The following ANAPC5 variants were observed in gnomAD, a reference collection of about 807,000 sequenced individuals.
ANAPC5 encodes anaphase promoting complex subunit 5, also known as anaphase-promoting complex subunit 5.
In ANAPC5, 60 loss-of-function variants were observed where a neutral mutation model predicts 91.3. That is an observed-to-expected ratio of 0.66 (90% CI 0.53 to 0.81). The LOEUF is 0.81. ANAPC5 is among the 40% of genes least tolerant of loss of function. The probability of loss-of-function intolerance (pLI) is 0.00; values close to 1 mark genes in which losing one functional copy is unlikely to be tolerated. For missense variants in ANAPC5, 690 were observed against 931.5 expected (o/e 0.74, Z 3.37); for synonymous variants, 340 against 364.1 (o/e 0.93, Z 0.75).
chr12:121,319,291 G>C (rs1902505531), intron 13 of ANAPC5, among the ~76,000 whole-genome samples: 2 of 150,888 alleles, frequency 1.3e-5, no homozygotes, highest in Admixed American at 1.3e-4. Context: ...TGGAGGCAAT[G>C]GTGCGATCTT....
At chr12:121,311,044 G>A (rs1471348383) in intron 15 of ANAPC5, among the ~76,000 whole-genome samples, 1 of 148,814 alleles carries the variant, frequency 6.7e-6, no homozygotes, top group African/African-American at 2.5e-5. Flanking sequence ...TTTTTTTAAA[G>A]TATCCACTGT....
At position 121,341,157 on chromosome 12, in the gene ANAPC5, C is replaced by T. The variant is rs557016359; in HGVS notation, c.657+846G>A. 5.1e-4 allele frequency among the ~76,000 whole-genome samples: 76 copies of T among 150,072 alleles called. No individual in the cohort carries two copies. The East Asian group carries it at 5.6e-3, about 11-fold the overall frequency. ...CAGCCTCAGTGACAGAGTGAGACTC[C>T]GTCTCAAAAAAAAGAAACAAAAAAG... On this transcript the variant is annotated intron_variant, in intron 5 of 16. Transcript: ENST00000261819.
intron 5 of ANAPC5, among the ~76,000 whole-genome samples, chr12:121,340,001 G>A (rs1379604127): frequency 6.7e-6 from 1 of 148,802 alleles, no homozygotes; most frequent in East Asian, 2.0e-4. Flanking sequence ...CTCAGCCTCT[G>A]AAGTATTCCA....
intron 1 of ANAPC5, chr12:121,351,023 C>A: frequency 7.0e-6 from 3 of 431,180 alleles, no homozygotes; most frequent in East Asian, 7.6e-5. Flanking sequence ...AAACTGAGAC[C>A]CAAATGAATT....
At chr12:121,326,989 G>T in intron 11 of ANAPC5, 107 bp downstream of exon 11, 1 of 1,398,744 alleles carries the variant, frequency 7.1e-7, no homozygotes, top group Non-Finnish European at 9.4e-7. Context: ...CCACAGTGTC[G>T]AGCAGAACTG....
intron 11 of ANAPC5, among the ~76,000 whole-genome samples, chr12:121,325,506 T>TA (rs112149286): frequency 0.6 from 36,978 of 61,872 alleles, 7,665 homozygotes; most frequent in African/African-American, 0.66. Flanking sequence ...AATTAAAAAT[T>TA]AAAAAAAAAA....
chr12:121,321,343 C>CTTTTT (rs71079053), intron 11 of ANAPC5, among the ~76,000 whole-genome samples: 17 of 100,664 alleles, frequency 1.7e-4, no homozygotes, highest in South Asian at 3.8e-4. Flanking sequence ...AAACAAATTA[C>CTTTTT]TTTTTTTTTT....
At chr12:121,321,506 CA>C (rs1197626551) in intron 11 of ANAPC5, among the ~76,000 whole-genome samples, 12 of 149,952 alleles carry the variant, frequency 8.0e-5, no homozygotes, top group African/African-American at 3.0e-4. Flanking sequence ...AGGTGCATGC[CA>C]CCACACACCT....
chr12:121,337,792 C>A (rs548474007), intron 5 of ANAPC5, among the ~76,000 whole-genome samples: 7 of 152,032 alleles, frequency 4.6e-5, no homozygotes, highest in Non-Finnish European at 8.8e-5. Context: ...ACTTACCCCC[C>A]CTGTGGCACT....
intron 15 of ANAPC5, among the ~76,000 whole-genome samples, chr12:121,311,255 G>A (rs1299522428): frequency 6.6e-6 from 1 of 151,962 alleles, no homozygotes; most frequent in Non-Finnish European, 1.5e-5. Flanking sequence ...GTGAGACCCT[G>A]TCTCTAAAAA....
intron 15 of ANAPC5, among the ~76,000 whole-genome samples, chr12:121,312,333 G>A (rs1223605226): frequency 6.6e-6 from 1 of 152,122 alleles, no homozygotes; most frequent in Non-Finnish European, 1.5e-5. Flanking sequence ...TGAGGCTGAG[G>A]CGGGTGGATC....
intron 15 of ANAPC5, among the ~76,000 whole-genome samples, chr12:121,312,349 A>C (rs1902195511): frequency 6.6e-6 from 1 of 152,008 alleles, no homozygotes; most frequent in Non-Finnish European, 1.5e-5. Flanking sequence ...GGATCACCTG[A>C]GGGCAGGAGT....
intron 5 of ANAPC5, among the ~76,000 whole-genome samples, chr12:121,339,619 T>C (rs71454690): frequency 0.049 from 7,455 of 152,074 alleles, 193 homozygotes; most frequent in South Asian, 0.083. Context: ...GACAGGCACA[T>C]GCCACCACAT....
At chr12:121,320,260 T>A (rs2136768064) in intron 12 of ANAPC5, 125 bp downstream of exon 12, 1 of 828,512 alleles carries the variant, frequency 1.2e-6, no homozygotes, top group African/African-American at 1.7e-5. Flanking sequence ...CTTGTAAGCA[T>A]CCTTTGACAA....
In ANAPC5 at chr12:121,342,144, G is replaced by T; in HGVS notation, c.591-75C>A. 8.9e-7 allele frequency: 1 copy of T among 1,127,712 alleles called. No individual in the cohort carries two copies. Among genetic ancestry groups the T allele is most frequent in the Non-Finnish European group, 1.3e-6 (1 of 787,526 alleles). The allele number at this position is 1,127,712 out of a possible 1,614,324, so 69.9% of individuals were successfully genotyped here. On this transcript the variant is annotated intron_variant, in intron 4 of 16. Coordinates refer to ENST00000261819, the MANE Select transcript of ANAPC5 (RefSeq NM_016237.5). This position sits in a 1 kb window ranked among gnomAD's most constrained non-coding sequence, Gnocchi z 4.1. The stretch of plus-strand genomic sequence containing the variant: ...AATGATAACATTTATAAAATCAGAT[G>T]GATTCTTGTATCGAAAGAGTTCAAA...
intron 15 of ANAPC5, among the ~76,000 whole-genome samples, chr12:121,316,942 T>C (rs914409433): frequency 7.8e-4 from 118 of 152,018 alleles, no homozygotes; most frequent in African/African-American, 2.7e-3. Context: ...TATTGCTACA[T>C]GGATAAAACC....
At chr12:121,308,819 G>T in intron 16 of ANAPC5, 128 bp from the exon 17 acceptor site, 1 of 837,544 alleles carries the variant, frequency 1.2e-6, no homozygotes, top group Non-Finnish European at 1.9e-6. Context: ...CATTCTTTGA[G>T]AGAGAAAAAA....
At chr12:121,319,108 TACACAA>T (rs754606383) in intron 13 of ANAPC5, among the ~76,000 whole-genome samples, 1,430 of 115,852 alleles carry the variant, frequency 0.012, 20 homozygotes, top group African/African-American at 0.057. Context: ...ATGCTGTGTA[TACACAA>T]ACACACACAC....
chr12:121,346,904 C>T lies in ANAPC5; in HGVS notation c.389G>A (p.Ser130Asn). 6.2e-7 allele frequency: 1 copy of T among 1,601,950 alleles called. No homozygotes were observed. Among genetic ancestry groups the T allele is most frequent in the Non-Finnish European group, 8.5e-7 (1 of 1,175,394 alleles). Reference protein sequence around the residue: ...SGTEPEVHKTSVVGLFLRHMI... With the variant: ...SGTEPEVHKTNVVGLFLRHMI... ...TTAGAAGAGTTTCATACCTACTACACTTGTTTTGTGAACCTCTGGTTCAGT... is the reference window on the plus strand; with the variant it reads ...TTAGAAGAGTTTCATACCTACTACATTTGTTTTGTGAACCTCTGGTTCAGT... Residue 130 changes from serine (S) to asparagine (N), a missense_variant, in exon 3 of 17, where the codon AGT becomes AAT. Coordinates refer to ENST00000261819, the MANE Select transcript of ANAPC5 (RefSeq NM_016237.5).
Sources: gnomAD v4.1 joint callset for allele counts (sites outside exome capture counted in the v4.1 genomes callset) on GRCh38, gnomAD v4.1.1 for gene constraint, Gnocchi (gnomAD v3.1) non-coding constraint, MANE v1.5 for transcripts, NCBI Gene and HGNC (gene_info 2026-07-23, HGNC 2026-07-21) for gene names.